Variants in PDCD6IP observed in about 807,000 individuals in gnomAD.
PDCD6IP encodes the protein programmed cell death 6-interacting protein.
Under a neutral mutation model 103.7 loss-of-function variants are expected in PDCD6IP, and 43 were observed. The ratio of observed to expected loss-of-function variants is 0.41; its 90% CI spans 0.32 to 0.53. The LOEUF is 0.53. PDCD6IP is among the 20% of genes least tolerant of loss of function. The pLI is 0.16. For synonymous variants in PDCD6IP, 354 were observed against 378.7 expected, an observed-to-expected ratio of 0.93 and a Z score of 0.76; for missense variants, 871 against 1,036.7, an observed-to-expected ratio of 0.84 and a Z score of 2.20.
chr3:33,817,183 C>T (rs181173507), intron 3 of PDCD6IP, among the ~76,000 whole-genome samples: 7 of 152,278 alleles, frequency 4.6e-5, no homozygotes, highest in East Asian at 3.9e-4. Context: ...CTAGGGTCCC[C>T]GGAATTGGGC....
At chr3:33,833,272 G>GT (rs1295348596) in intron 7 of PDCD6IP, among the ~76,000 whole-genome samples, 1 of 151,930 alleles carries the variant, frequency 6.6e-6, no homozygotes, top group African/African-American at 2.4e-5. Flanking sequence ...ATCTAGTTTA[G>GT]TTTTCCCTGA....
At chr3:33,810,542 A>G (rs1016952833) in intron 1 of PDCD6IP, among the ~76,000 whole-genome samples, 5 of 152,308 alleles carry the variant, frequency 3.3e-5, no homozygotes, top group African/African-American at 2.4e-5. Context: ...GCTTATTGCT[A>G]CTGTGAAGTG....
chr3:33,808,306 C>T (rs1413292647), intron 1 of PDCD6IP, among the ~76,000 whole-genome samples: 2 of 152,166 alleles, frequency 1.3e-5, no homozygotes, highest in Non-Finnish European at 2.9e-5. Flanking sequence ...CAAGATTTCA[C>T]GCCATGGCCC....
At chr3:33,834,248 G>A (rs754062809) in intron 7 of PDCD6IP, among the ~76,000 whole-genome samples, 23 of 152,020 alleles carry the variant, frequency 1.5e-4, no homozygotes, top group Non-Finnish European at 2.2e-4. Context: ...TGCCTTTACC[G>A]TCACCTGGCA....
At chr3:33,834,460 TGTGCAATTTCCC>T (rs1335576664) in intron 7 of PDCD6IP, among the ~76,000 whole-genome samples, 1 of 152,218 alleles carries the variant, frequency 6.6e-6, no homozygotes, top group African/African-American at 2.4e-5. Context: ...GATTTAAATT[TGTGCAATTTCCC>T]GTTTCCTAGT....
At position 33,821,953 on chromosome 3, in the gene PDCD6IP, A is replaced by T; in HGVS notation, c.335-2A>T. 1 of 1,595,930 alleles carries T rather than the reference A, an allele frequency of 6.3e-7. No homozygotes were observed. Among genetic ancestry groups the T allele is most frequent in the Non-Finnish European group, 8.5e-7 (1 of 1,174,982 alleles). On this transcript the variant is annotated splice_acceptor_variant, in intron 3 of 17. Coordinates refer to ENST00000307296, the MANE Select transcript of PDCD6IP (RefSeq NM_013374.6). LOFTEE classifies it high-confidence loss of function. ...GAATTTTTCCTTCTCAATTTTTTAC[A>T]GCTCTTGCAAGCTTAGGATATGAAA...
chr3:33,815,539 G>T (rs1255414592), intron 3 of PDCD6IP, among the ~76,000 whole-genome samples: 1 of 152,104 alleles, frequency 6.6e-6, no homozygotes, highest in East Asian at 1.9e-4. Flanking sequence ...CCTAACTCCC[G>T]GGACTAGAGA....
At chr3:33,849,050 C>G (rs1365120680) in intron 12 of PDCD6IP, among the ~76,000 whole-genome samples, 1 of 152,180 alleles carries the variant, frequency 6.6e-6, no homozygotes, top group East Asian at 1.9e-4. Flanking sequence ...AAAAGAGTTG[C>G]AACAGAGACT....
In PDCD6IP at chr3:33,863,996, C is replaced by T. The variant is rs1307648063; in HGVS notation, c.2121-10C>T. On this transcript the variant is annotated splice_polypyrimidine_tract_variant and intron_variant, in intron 15 of 17. Coordinates refer to ENST00000307296, the MANE Select transcript of PDCD6IP (RefSeq NM_013374.6). ...ATCATGTTAATTTTTAACACTCTGTCTTTGATAAGGGACTTGCAACAAAGC... is the reference window on the plus strand; with the variant it reads ...ATCATGTTAATTTTTAACACTCTGTTTTTGATAAGGGACTTGCAACAAAGC... 1.9e-6 allele frequency: 3 copies of T among 1,596,508 alleles called. No individual in the cohort carries two copies. Among genetic ancestry groups the T allele is most frequent in the Non-Finnish European group, 1.7e-6 (2 of 1,165,052 alleles).
At chr3:33,809,500 G>T (rs1455487793) in intron 1 of PDCD6IP, among the ~76,000 whole-genome samples, 1 of 152,184 alleles carries the variant, frequency 6.6e-6, no homozygotes, top group Non-Finnish European at 1.5e-5. Context: ...ATTTTTGGAT[G>T]TAATTTTAAG....
intron 7 of PDCD6IP, among the ~76,000 whole-genome samples, chr3:33,831,274 A>G (rs144919831): frequency 2.4e-4 from 36 of 151,882 alleles, no homozygotes; most frequent in Admixed American, 7.2e-4. Flanking sequence ...CATGACTCAC[A>G]TAGAATGACT....
At chr3:33,832,175 A>G (rs1027855082) in intron 7 of PDCD6IP, among the ~76,000 whole-genome samples, 3 of 152,156 alleles carry the variant, frequency 2.0e-5, no homozygotes, top group Non-Finnish European at 4.4e-5. Flanking sequence ...GGGTGCCAGT[A>G]TGGTCATATT....
chr3:33,863,954 T>C, intron 15 of PDCD6IP, 52 bp from the exon 16 acceptor site: 3 of 1,141,860 alleles, frequency 2.6e-6, no homozygotes, highest in Non-Finnish European at 4.0e-6. Flanking sequence ...ATATTTTATG[T>C]GTGTTAATTT....
intron 15 of PDCD6IP, among the ~76,000 whole-genome samples, chr3:33,859,095 C>T (rs1298089284): frequency 1.4e-4 from 22 of 152,054 alleles, no homozygotes; most frequent in Admixed American, 1.4e-3. Flanking sequence ...TAGACAAAGA[C>T]AGAATAGAAA....
chr3:33,806,725 C>G (rs1418647976), intron 1 of PDCD6IP, among the ~76,000 whole-genome samples: 1 of 152,164 alleles, frequency 6.6e-6, no homozygotes, highest in Non-Finnish European at 1.5e-5. Context: ...GGTAGATTCT[C>G]TTGTTTCTGT....
chr3:33,815,185 A>C (rs1244302862), intron 3 of PDCD6IP, among the ~76,000 whole-genome samples: 1 of 150,528 alleles, frequency 6.6e-6, no homozygotes, highest in African/African-American at 2.4e-5. Flanking sequence ...ATTATATATA[A>C]TGTTAATTTA....
chr3:33,805,120 GC>G, intron 1 of PDCD6IP, among the ~76,000 whole-genome samples: 1 of 152,244 alleles, frequency 6.6e-6, no homozygotes, highest in South Asian at 2.1e-4. Context: ...ACTTTGGGAG[GC>G]TGAGGCGGGT....
chr3:33,828,209 T>C (rs1203672230), intron 6 of PDCD6IP, among the ~76,000 whole-genome samples: 1 of 152,196 alleles, frequency 6.6e-6, no homozygotes. Flanking sequence ...ATCATTATCA[T>C]TGGTCATATA....
intron 3 of PDCD6IP, among the ~76,000 whole-genome samples, chr3:33,816,648 G>C (rs569639867): frequency 3.4e-4 from 52 of 152,042 alleles, no homozygotes; most frequent in Non-Finnish European, 6.6e-4. Flanking sequence ...ATTTAGCAGA[G>C]AGAAGTTTCT....
Sources: gnomAD v4.1 joint callset for allele counts (sites outside exome capture counted in the v4.1 genomes callset) on GRCh38, gnomAD v4.1.1 for gene constraint, MANE v1.5 for transcripts, NCBI Gene and HGNC (gene_info 2026-07-23, HGNC 2026-07-21) for gene names.